PBX3: variants seen among roughly 807,000 people sequenced by gnomAD.
PBX3 encodes PBX homeobox 3.
A neutral mutation model predicts 48.5 loss-of-function variants in PBX3; 14 were observed. That is an observed-to-expected ratio of 0.29 (90% CI 0.19 to 0.45). The LOEUF is 0.45. Among genes scored for constraint, PBX3 ranks in the 20% least tolerant of loss-of-function variants. The probability of loss-of-function intolerance (pLI) is 1.00; values close to 1 mark genes in which losing one functional copy is unlikely to be tolerated. For synonymous variants in PBX3, 210 were observed against 200.3 expected (o/e 1.05, Z -0.41); for missense variants, 386 against 546.7 (o/e 0.71, Z 2.93).
At chr9:125,784,419 G>T (rs1223420255) in intron 2 of PBX3, among the ~76,000 whole-genome samples, 2 of 152,162 alleles carry the variant, frequency 1.3e-5, no homozygotes, top group East Asian at 3.8e-4. Context: ...GTGAGCCACC[G>T]CACCCAGCCA....
intron 2 of PBX3, among the ~76,000 whole-genome samples, chr9:125,864,845 G>A (rs977930125): frequency 7.2e-5 from 11 of 152,214 alleles, no homozygotes; most frequent in African/African-American, 2.4e-4. Context: ...CTTGGGGATT[G>A]GGGACTGCTG....
intron 5 of PBX3, among the ~76,000 whole-genome samples, chr9:125,942,383 C>T (rs545390905): frequency 1.3e-5 from 2 of 152,246 alleles, no homozygotes; most frequent in African/African-American, 4.8e-5. Context: ...TTTAGAGACT[C>T]TGGGCTAGTT....
At chr9:125,854,003 T>C (rs200810992) in intron 2 of PBX3, among the ~76,000 whole-genome samples, 10 of 143,100 alleles carry the variant, frequency 7.0e-5, no homozygotes, top group Non-Finnish European at 1.2e-4. Flanking sequence ...CACACACACA[T>C]ACATATATAC....
In PBX3 at chr9:125,962,977, T is replaced by G. The variant is rs755838530; in HGVS notation, c.1123-35T>G. ...TGTAAGTGATGACGTTTTAATAGATTTGGGATGATGAATTTTGTTTTGTCT... is the reference window on the plus strand; with the variant it reads ...TGTAAGTGATGACGTTTTAATAGATGTGGGATGATGAATTTTGTTTTGTCT... On this transcript the variant is annotated intron_variant, in intron 7 of 8. Transcript: ENST00000373489. 3.1e-5 allele frequency: 37 copies of G among 1,184,336 alleles called. No homozygotes were observed. In the Admixed American group the frequency reaches 5.8e-4, roughly 19 times the overall value. The allele number at this position is 1,184,336 out of a possible 1,614,324, so 73.4% of individuals were successfully genotyped here.
At chr9:125,939,234 A>G (rs1034531821) in intron 5 of PBX3, among the ~76,000 whole-genome samples, 6 of 152,190 alleles carry the variant, frequency 3.9e-5, no homozygotes, top group Admixed American at 3.9e-4. Context: ...TTAAAATCCA[A>G]AATATATAAG....
intron 2 of PBX3, among the ~76,000 whole-genome samples, chr9:125,812,837 A>C (rs1263729572): frequency 6.6e-6 from 1 of 152,226 alleles, no homozygotes; most frequent in Non-Finnish European, 1.5e-5. Flanking sequence ...ATTTTAACAC[A>C]GTGGTATTTG....
At chr9:125,886,649 T>C (rs1378168135) in intron 2 of PBX3, among the ~76,000 whole-genome samples, 1 of 152,100 alleles carries the variant, frequency 6.6e-6, no homozygotes. Context: ...TAAAAACTGT[T>C]TTGTGTATTT....
At chr9:125,875,143 A>C (rs542570913) in intron 2 of PBX3, among the ~76,000 whole-genome samples, 2 of 152,286 alleles carry the variant, frequency 1.3e-5, no homozygotes, top group East Asian at 3.9e-4. Flanking sequence ...TGGAACTCCT[A>C]GTGTACACAC....
chr9:125,900,037 C>T (rs1024032469), intron 2 of PBX3, among the ~76,000 whole-genome samples: 3 of 151,544 alleles, frequency 2.0e-5, no homozygotes, highest in Non-Finnish European at 3.0e-5. Context: ...AGTATTGTAT[C>T]ATCAGTTAAG....
At chr9:125,925,781 C>A (rs1841561668) in intron 3 of PBX3, among the ~76,000 whole-genome samples, 1 of 152,000 alleles carries the variant, frequency 6.6e-6, no homozygotes, top group Admixed American at 6.6e-5. Context: ...TAATATGTGG[C>A]TCACAATGTA....
intron 2 of PBX3, among the ~76,000 whole-genome samples, chr9:125,876,889 G>A (rs1448158857): frequency 6.7e-6 from 1 of 149,704 alleles, no homozygotes; most frequent in East Asian, 2.0e-4. Flanking sequence ...GGTTCAAGCA[G>A]TTCTCCTGCC....
chr9:125,939,864 G>A (rs1841921606), intron 5 of PBX3, among the ~76,000 whole-genome samples: 1 of 152,152 alleles, frequency 6.6e-6, no homozygotes, highest in Admixed American at 6.5e-5. Context: ...CATATTGTCA[G>A]GGGAGACATA....
intron 2 of PBX3, among the ~76,000 whole-genome samples, chr9:125,782,202 G>T (rs1328986331): frequency 6.6e-6 from 1 of 152,152 alleles, no homozygotes; most frequent in Non-Finnish European, 1.5e-5. Context: ...GAAGGTGAAG[G>T]GGACGTCTCA....
intron 5 of PBX3, among the ~76,000 whole-genome samples, chr9:125,951,060 A>G (rs1391512302): frequency 3.3e-5 from 5 of 152,204 alleles, no homozygotes; most frequent in Non-Finnish European, 7.3e-5. Flanking sequence ...TTCTGACCTC[A>G]GTTTTTGCTT....
chr9:125,962,747 A>T (rs1588346876), intron 7 of PBX3, among the ~76,000 whole-genome samples: 1 of 152,228 alleles, frequency 6.6e-6, no homozygotes, highest in African/African-American at 2.4e-5. Context: ...GCTTTCACCC[A>T]CAGCCACATC....
At chr9:125,837,855 G>T (rs1446619676) in intron 2 of PBX3, among the ~76,000 whole-genome samples, 2 of 152,170 alleles carry the variant, frequency 1.3e-5, no homozygotes, top group Non-Finnish European at 2.9e-5. Context: ...CTTCCAAAGT[G>T]TTGGGATTAC....
intron 2 of PBX3, among the ~76,000 whole-genome samples, chr9:125,852,999 T>G (rs1181104177): frequency 6.6e-6 from 1 of 152,212 alleles, no homozygotes; most frequent in East Asian, 1.9e-4. Flanking sequence ...CAACATTTTA[T>G]TAAAATCCAT....
At chr9:125,848,986 T>C (rs1839505394) in intron 2 of PBX3, among the ~76,000 whole-genome samples, 1 of 151,002 alleles carries the variant, frequency 6.6e-6, no homozygotes, top group South Asian at 2.1e-4. Context: ...CCAGGTACTC[T>C]ATTAAGAATT....
At chr9:125,913,083 TAAAGA>T (rs1242533716) in intron 2 of PBX3, among the ~76,000 whole-genome samples, 2 of 152,132 alleles carry the variant, frequency 1.3e-5, no homozygotes, top group Non-Finnish European at 1.5e-5. Context: ...CTTTGCTTAA[TAAAGA>T]AAAGAAACCG....
Sources: allele counts gnomAD v4.1 joint callset (sites outside exome capture counted in the v4.1 genomes callset), GRCh38; gene constraint gnomAD v4.1.1; transcripts MANE v1.5; gene names NCBI Gene and HGNC (gene_info 2026-07-23, HGNC 2026-07-21).